The following SLC27A4 variants were observed in gnomAD, a reference collection of about 807,000 sequenced individuals.
The protein encoded by SLC27A4 is long-chain fatty acid transport protein 4.
Under a neutral mutation model 64.4 loss-of-function variants are expected in SLC27A4, and 33 were observed. The ratio of observed to expected loss-of-function variants is 0.51; its 90% CI spans 0.39 to 0.68. The LOEUF (loss-of-function observed/expected upper bound fraction) is 0.68. Ranked by LOEUF, SLC27A4 falls within the 30% of genes least tolerant of loss-of-function variation. SLC27A4 has a pLI of 0.00. For synonymous variants in SLC27A4, 377 were observed against 370.0 expected, an observed-to-expected ratio of 1.02 and a Z score of -0.22; for missense variants, 824 against 883.5, an observed-to-expected ratio of 0.93 and a Z score of 0.85.
At position 128,350,295 on chromosome 9, in the gene SLC27A4, G is replaced by A. The variant is rs1168317411; in HGVS notation, c.716-17G>A. ...CCTGAGCTGCCCCCGACAGCCACTCGCGTCTGTTTTCTTTAGATAAACTGT... is the reference window on the plus strand; with the variant it reads ...CCTGAGCTGCCCCCGACAGCCACTCACGTCTGTTTTCTTTAGATAAACTGT... On this transcript the variant is annotated splice_polypyrimidine_tract_variant and intron_variant, in intron 4 of 12. Coordinates refer to ENST00000300456, the MANE Select transcript of SLC27A4 (RefSeq NM_005094.4). 4.3e-6 allele frequency: 7 copies of A among 1,611,584 alleles called. No individual in the cohort carries two copies. Among genetic ancestry groups the A allele is most frequent in the African/African-American group, 1.3e-5 (1 of 74,892 alleles).
At chr9:128,351,712 G>A (rs1369638284) in intron 6 of SLC27A4, among the ~76,000 whole-genome samples, 1 of 152,132 alleles carries the variant, frequency 6.6e-6, no homozygotes, top group Non-Finnish European at 1.5e-5. Context: ...GCAAGACTCT[G>A]TCTCAAAATA....
chr9:128,347,375 C>CT (rs1832672062), intron 3 of SLC27A4, among the ~76,000 whole-genome samples: 1 of 152,120 alleles, frequency 6.6e-6, no homozygotes, highest in South Asian at 2.1e-4. Context: ...TCACAGCACT[C>CT]TGTTTTTTCT....
intron 4 of SLC27A4, among the ~76,000 whole-genome samples, chr9:128,349,128 C>G (rs1832698990): frequency 6.6e-6 from 1 of 152,178 alleles, no homozygotes; most frequent in Non-Finnish European, 1.5e-5. Flanking sequence ...GGATCTCCAG[C>G]TGTGATCCTC....
Position 128,340,854 on chromosome 9 carries a change from G to A in SLC27A4, c.-7+16G>A. 2 of 660,876 alleles carry A rather than the reference G, an allele frequency of 3.0e-6. No individual in the cohort carries two copies. The highest frequency in any genetic ancestry group is 2.8e-6 in the Non-Finnish European group (1 of 357,832). The allele number at this position is 660,876 out of a possible 1,614,324, so 40.9% of individuals were successfully genotyped here. A position where few individuals can be genotyped will look rare whatever the true frequency, so the allele number is the denominator to read the frequency against. On this transcript the variant is annotated intron_variant, in intron 1 of 12. Transcript: ENST00000300456. ...CCGACGCCGGGTGAGCATAGACCGGGCTGGTGGGTTCCCGGGTGGGGACAT... is the reference window on the plus strand; with the variant it reads ...CCGACGCCGGGTGAGCATAGACCGGACTGGTGGGTTCCCGGGTGGGGACAT...
At chr9:128,350,997 G>A (rs1488271175) in intron 6 of SLC27A4, among the ~76,000 whole-genome samples, 3 of 152,228 alleles carry the variant, frequency 2.0e-5, no homozygotes, top group Non-Finnish European at 4.4e-5. Context: ...GGAGGGTGAG[G>A]CAGGAGAATG....
chr9:128,341,189 G>A (rs940773382), intron 1 of SLC27A4, among the ~76,000 whole-genome samples: 1 of 152,194 alleles, frequency 6.6e-6, no homozygotes, highest in East Asian at 1.9e-4. Context: ...TTTGCTTTTC[G>A]CGAGGGGGAG....
chr9:128,343,262 G>T lies in SLC27A4; in HGVS notation c.130G>T (p.Val44Phe). Residue 44 changes from valine (V) to phenylalanine (F), a missense_variant, in exon 2 of 13, where the codon GTC becomes TTC. Physicochemically the swap from Val to Phe is conservative, Grantham distance 50 (BLOSUM62 -1). Transcript: ENST00000300456. ...ATCTGGCGGCTGGCGCTTCATCCGG[G>T]TCTTCATCAAGACCATCAGGCGCGA... ...LGSGGWRFIR[V>F]FIKTIRRDIF... is the part of the protein sequence containing the mutation. 1 of 1,614,102 alleles carries T rather than the reference G, an allele frequency of 6.2e-7. No individual in the cohort carries two copies. The highest frequency in any genetic ancestry group is 8.5e-7 in the Non-Finnish European group (1 of 1,180,016).
At chr9:128,351,488 G>A (rs1348669273) in intron 6 of SLC27A4, among the ~76,000 whole-genome samples, 2 of 152,116 alleles carry the variant, frequency 1.3e-5, no homozygotes, top group Non-Finnish European at 2.9e-5. Context: ...ACTTTGGGAG[G>A]TGAGTGGATC....
At chr9:128,359,995 C>T (rs1304516033) in intron 12 of SLC27A4, among the ~76,000 whole-genome samples, 1 of 152,158 alleles carries the variant, frequency 6.6e-6, no homozygotes, top group Non-Finnish European at 1.5e-5. Flanking sequence ...CTGGTAGGTA[C>T]TCAAAGGGAG....
intron 1 of SLC27A4, among the ~76,000 whole-genome samples, 183 bp downstream of exon 1, chr9:128,341,021 G>A (rs1832562686): frequency 1.3e-5 from 2 of 152,246 alleles, no homozygotes; most frequent in African/African-American, 4.8e-5. Context: ...AGGGGCCCGA[G>A]GGAACTAGTC....
In SLC27A4 at chr9:128,352,838, G is replaced by A. The variant is rs1588562070; in HGVS notation, c.987+91G>A. ...GGGGCATCTGTCTTATAGCTGAGGT[G>A]GCCAGTCATTCCAAAGGGCTCATTT... is the stretch of plus-strand genomic sequence containing the variant. On this transcript the variant is annotated intron_variant, in intron 7 of 12. Transcript: ENST00000300456. The A allele has an allele frequency of 4.3e-6, 5 of 1,149,430 alleles. No homozygotes were observed. The East Asian group carries it at 1.2e-4, about 28-fold the overall frequency. The allele number at this position is 1,149,430 out of a possible 1,614,324, so 71.2% of individuals were successfully genotyped here. A position where few individuals can be genotyped will look rare whatever the true frequency, so the allele number is the denominator to read the frequency against.
chr9:128,344,204 C>T (rs1832619524), intron 2 of SLC27A4, among the ~76,000 whole-genome samples: 2 of 152,204 alleles, frequency 1.3e-5, no homozygotes, highest in South Asian at 4.1e-4. Flanking sequence ...AACCAGAAGG[C>T]ACAGCATCAG....
Position 128,355,370 on chromosome 9 carries a change from A to G in SLC27A4, c.1463-28A>G, listed in dbSNP as rs1253865236. The G allele has an allele frequency of 1.2e-5, 20 of 1,612,730 alleles. No individual in the cohort carries two copies. In the Admixed American group the frequency reaches 3.3e-4, roughly 27 times the overall value. ...CCTGGTCTCAGAGCTGGCCAGGCCC[A>G]GCCCTGCCTCATCCGGCCCCTCCCT... On this transcript the variant is annotated intron_variant, in intron 10 of 12. Coordinates refer to ENST00000300456, the MANE Select transcript of SLC27A4 (RefSeq NM_005094.4).
intron 12 of SLC27A4, among the ~76,000 whole-genome samples, chr9:128,355,997 A>G (rs980853087): frequency 6.6e-6 from 1 of 152,048 alleles, no homozygotes; most frequent in African/African-American, 2.4e-5. Context: ...ATTAGGTGCC[A>G]GGCACAGCGC....
In SLC27A4 at chr9:128,345,673, A is replaced by G. The variant is rs1177896944; in HGVS notation, c.556+124A>G. ...TTAAGGGCACAGAGTGGAGTCAGACAGCTTAGGCAGTGCCACGAGTAAACG... is the reference window on the plus strand; with the variant it reads ...TTAAGGGCACAGAGTGGAGTCAGACGGCTTAGGCAGTGCCACGAGTAAACG... On this transcript the variant is annotated intron_variant, in intron 3 of 12. Transcript: ENST00000300456. The surrounding 1 kb of genome is among the most constrained non-coding windows in gnomAD (Gnocchi z 4.1). 2 of 1,165,760 alleles carry G rather than the reference A, an allele frequency of 1.7e-6. No homozygotes were observed. The highest frequency in any genetic ancestry group is 5.1e-5 in the East Asian group (2 of 38,902). 72.2% of individuals were successfully genotyped at this position (1,165,760 alleles called of 1,614,324 possible). A position where few individuals can be genotyped will look rare whatever the true frequency, so the allele number is the denominator to read the frequency against.
chr9:128,357,394 C>T (rs146248352), intron 12 of SLC27A4, among the ~76,000 whole-genome samples: 3,892 of 151,986 alleles, frequency 0.026, 85 homozygotes, highest in Non-Finnish European at 0.035. Context: ...GAGCTGAGAT[C>T]ATGCCACTAC....
At chr9:128,352,854 G>C in intron 7 of SLC27A4, 107 bp downstream of exon 7, 1 of 1,096,436 alleles carries the variant, frequency 9.1e-7, no homozygotes, top group Non-Finnish European at 1.4e-6. Flanking sequence ...TCATTCCAAA[G>C]GGCTCATTTG....
chr9:128,345,518 G>A lies in SLC27A4; in HGVS notation c.525G>A (p.Arg175=). The stretch of plus-strand genomic sequence containing the variant: ...ACTGCCTCACCACCTCGCGCGCACG[G>A]GCCCTTGTCTTTGGCAGCGAAATGG... The part of the protein sequence containing the change: ...LLHCLTTSRA[R]ALVFGSEMAS... The change falls in exon 3 of 13, where the codon CGG becomes CGA. Residue 175 remains arginine, a synonymous_variant. Coordinates refer to ENST00000300456, the MANE Select transcript of SLC27A4 (RefSeq NM_005094.4). The surrounding 1 kb of genome is among the most constrained non-coding windows in gnomAD (Gnocchi z 4.1). 1 of 1,608,886 alleles carries A rather than the reference G, an allele frequency of 6.2e-7. No homozygotes were observed.
rs1832890607 is a variant in SLC27A4, at chr9:128,360,764, G to A, written c.*273G>A. ...GACTGACGGGTTTTCTCAGGATGAT[G>A]TCTTGGGTGAGGGTAGGGAGAGGAC... On this transcript the variant is annotated 3_prime_UTR_variant, in exon 13 of 13. Transcript: ENST00000300456. The A allele has an allele frequency of 4.1e-6, 2 of 486,780 alleles. No homozygotes were observed. Among genetic ancestry groups the A allele is most frequent in the Non-Finnish European group, 3.8e-6 (1 of 264,558 alleles). The allele number at this position is 486,780 out of a possible 1,614,324, so 30.2% of individuals were successfully genotyped here. A position where few individuals can be genotyped will look rare whatever the true frequency, so the allele number is the denominator to read the frequency against.
Sources: allele counts gnomAD v4.1 joint callset (sites outside exome capture counted in the v4.1 genomes callset), GRCh38; gene constraint gnomAD v4.1.1; non-coding constraint Gnocchi (gnomAD v3.1); transcripts MANE v1.5; gene names NCBI Gene and HGNC (gene_info 2026-07-23, HGNC 2026-07-21).